USP24: variants seen among roughly 807,000 people sequenced by gnomAD.
The protein encoded by USP24 is ubiquitin specific peptidase 24, also known as ubiquitin carboxyl-terminal hydrolase 24.
In USP24, 97 loss-of-function variants were observed where a neutral mutation model predicts 361.6. The observed-to-expected ratio is 0.27, with a 90% CI of 0.23 to 0.32. The LOEUF (loss-of-function observed/expected upper bound fraction) is 0.32. USP24 is among the 10% of genes least tolerant of loss of function. USP24 has a pLI of 1.00. For missense variants in USP24, 2,353 were observed against 3,165.6 expected (o/e 0.74, Z 6.16); for synonymous variants, 1,098 against 1,124.6 (o/e 0.98, Z 0.47).
chr1:55,080,456 A>G (rs1252362846), intron 59 of USP24, among the ~76,000 whole-genome samples: 3 of 152,180 alleles, frequency 2.0e-5, no homozygotes, highest in Non-Finnish European at 4.4e-5. Flanking sequence ...CTTCTATGCC[A>G]CTAACTAGCT....
intron 55 of USP24, 180 bp from the exon 56 acceptor site, chr1:55,086,218 G>A (rs1420612730): frequency 1.6e-6 from 1 of 611,882 alleles, no homozygotes; most frequent in Non-Finnish European, 2.9e-6. Flanking sequence ...CCTGCTAACT[G>A]TAATGCCACA....
chr1:55,196,861 C>G (rs1008639344), intron 1 of USP24, among the ~76,000 whole-genome samples: 1 of 152,222 alleles, frequency 6.6e-6, no homozygotes, highest in Non-Finnish European at 1.5e-5. Flanking sequence ...ATACTGGCCT[C>G]CCTGCTGCTC....
intron 50 of USP24, among the ~76,000 whole-genome samples, chr1:55,096,244 C>G (rs1645493207): frequency 6.6e-6 from 1 of 152,194 alleles, no homozygotes; most frequent in African/African-American, 2.4e-5. Flanking sequence ...CTCATTTCAT[C>G]CTTTTAACTT....
intron 1 of USP24, among the ~76,000 whole-genome samples, chr1:55,213,375 G>A (rs1277875021): frequency 2.0e-5 from 3 of 152,222 alleles, no homozygotes; most frequent in Non-Finnish European, 4.4e-5. Flanking sequence ...GTGTCTAAGT[G>A]TGGAAGCCAA....
intron 1 of USP24, among the ~76,000 whole-genome samples, chr1:55,203,759 A>T (rs566966028): frequency 2.1e-4 from 32 of 152,332 alleles, no homozygotes; most frequent in Admixed American, 8.5e-4. Flanking sequence ...CTTGCTTGTT[A>T]TTCTCTAAAG....
chr1:55,157,463 T>C (rs1647796304), intron 10 of USP24, 93 bp from the exon 11 acceptor site: 2 of 710,158 alleles, frequency 2.8e-6, no homozygotes, highest in Non-Finnish European at 4.4e-6. Context: ...TACAATGTGC[T>C]TCAATAACTA....
At chr1:55,191,114 T>A (rs890490937) in intron 1 of USP24, among the ~76,000 whole-genome samples, 1 of 152,208 alleles carries the variant, frequency 6.6e-6, no homozygotes, top group African/African-American at 2.4e-5. Flanking sequence ...CAACAATTAT[T>A]GAATGTCACT....
At chr1:55,158,605 A>G (rs1249684169) in intron 10 of USP24, among the ~76,000 whole-genome samples, 1 of 152,250 alleles carries the variant, frequency 6.6e-6, no homozygotes, top group Non-Finnish European at 1.5e-5. Flanking sequence ...GAGCAAAAGT[A>G]AATCTCAAAC....
chr1:55,128,713 C>CTT (rs869191004), intron 32 of USP24, among the ~76,000 whole-genome samples: 116 of 124,866 alleles, frequency 9.3e-4, no homozygotes, highest in East Asian at 8.3e-3. Flanking sequence ...GCTTTAATAC[C>CTT]TTTTTTTTTT....
At chr1:55,201,391 AG>A (rs1370709954) in intron 1 of USP24, among the ~76,000 whole-genome samples, 2 of 151,934 alleles carry the variant, frequency 1.3e-5, no homozygotes, top group Admixed American at 6.6e-5. Context: ...TCACGAGGTC[AG>A]GAGTTTGAGA....
intron 67 of USP24, chr1:55,071,066 A>T: frequency 1.1e-6 from 1 of 924,558 alleles, no homozygotes. Flanking sequence ...CCTTTCTGTA[A>T]AATCAGGGTG....
chr1:55,078,703 C>A, intron 60 of USP24, 52 bp from the exon 61 acceptor site: 1 of 1,420,684 alleles, frequency 7.0e-7, no homozygotes, highest in South Asian at 1.3e-5. Flanking sequence ...AGTTAACACT[C>A]CATCTGTTGT....
intron 7 of USP24, among the ~76,000 whole-genome samples, chr1:55,164,981 G>C (rs1648680869): frequency 6.6e-6 from 1 of 152,192 alleles, no homozygotes; most frequent in African/African-American, 2.4e-5. Flanking sequence ...GGAGGCTTCT[G>C]CATCAGTGTC....
chr1:55,134,485 A>G, intron 28 of USP24, 72 bp from the exon 29 acceptor site: 1 of 1,356,112 alleles, frequency 7.4e-7, no homozygotes, highest in African/African-American at 1.4e-5. Flanking sequence ...AAACTTACAA[A>G]CAATAAAAAT....
Position 55,172,449 on chromosome 1 carries a change from T to C in USP24, c.630A>G (p.Leu210=), listed in dbSNP as rs113830813. ...IHEGIYNMLM[L]LIELVAERIK... ...TTCTCTCTGCGACCAGTTCTATTAA[T>C]AGCATCAACATGTTGTAAATTCCTT... is the stretch of plus-strand genomic sequence containing the variant. The change falls in exon 4 of 68, where the codon CTA becomes CTG. Residue 210 remains leucine (L), a synonymous_variant. Coordinates refer to ENST00000294383, the MANE Select transcript of USP24 (RefSeq NM_015306.3). 17 of 1,613,524 alleles carry C rather than the reference T, an allele frequency of 1.1e-5. No homozygotes were observed. The Admixed American group carries it at 1.5e-4, about 14-fold the overall frequency.
chr1:55,112,437 T>C (rs903674184), intron 38 of USP24, among the ~76,000 whole-genome samples: 1 of 152,228 alleles, frequency 6.6e-6, no homozygotes, highest in Admixed American at 6.5e-5. Flanking sequence ...CTCTAAACAT[T>C]GCTTTAGCTG....
intron 28 of USP24, among the ~76,000 whole-genome samples, chr1:55,136,704 A>T (rs1409368767): frequency 6.6e-6 from 1 of 152,186 alleles, no homozygotes; most frequent in African/African-American, 2.4e-5. Context: ...GCCTGAGCCA[A>T]CTAGAAGACT....
At chr1:55,097,867 T>C in intron 47 of USP24, 76 bp downstream of exon 47, 2 of 1,530,822 alleles carry the variant, frequency 1.3e-6, no homozygotes, top group Non-Finnish European at 1.7e-6. Flanking sequence ...AGCTTAATAC[T>C]GATTTTACAT....
chr1:55,087,755 AGAG>A (rs1339759774), intron 55 of USP24, among the ~76,000 whole-genome samples: 1 of 152,208 alleles, frequency 6.6e-6, no homozygotes, highest in African/African-American at 2.4e-5. Context: ...AAGTTGTAGT[AGAG>A]GAGATGGGCA....
Sources: gnomAD v4.1 joint callset for allele counts (sites outside exome capture counted in the v4.1 genomes callset) on GRCh38, gnomAD v4.1.1 for gene constraint, MANE v1.5 for transcripts, NCBI Gene and HGNC (gene_info 2026-07-23, HGNC 2026-07-21) for gene names.